The following SYNE2 variants were observed in gnomAD, a reference collection of about 807,000 sequenced individuals.
SYNE2 encodes the protein spectrin repeat containing nuclear envelope protein 2.
In SYNE2, 431 loss-of-function variants were observed where a neutral mutation model predicts 856.3. The ratio of observed to expected loss-of-function variants is 0.50; its 90% confidence interval spans 0.47 to 0.55. SYNE2 has a LOEUF of 0.55. Among genes scored for constraint, SYNE2 ranks in the 20% least tolerant of loss-of-function variants. The pLI is 0.00. For synonymous variants in SYNE2, 2,923 were observed against 2,872.3 expected, an observed-to-expected ratio of 1.02 and a Z score of -0.56; for missense variants, 8,129 against 8,023.2, an observed-to-expected ratio of 1.01 and a Z score of -0.50.
intron 93 of SYNE2, among the ~76,000 whole-genome samples, 164 bp from the exon 94 acceptor site, chr14:64,170,064 C>G (rs888607420): frequency 1.3e-5 from 2 of 152,138 alleles, no homozygotes; most frequent in African/African-American, 4.8e-5. Context: ...CTTCCCAAAG[C>G]CTTAATCATG....
chr14:64,047,462 G>C (rs1032398551), intron 45 of SYNE2, among the ~76,000 whole-genome samples: 2 of 152,236 alleles, frequency 1.3e-5, no homozygotes, highest in Non-Finnish European at 2.9e-5. Context: ...TCTCAGTCCG[G>C]TCCTAGGAAT....
intron 46 of SYNE2, 157 bp downstream of exon 46, chr14:64,048,312 T>C: frequency 1.7e-6 from 1 of 605,264 alleles, no homozygotes; most frequent in South Asian, 2.4e-5. Context: ...ATGTACTAAG[T>C]AAGTTGTATA....
intron 1 of SYNE2, among the ~76,000 whole-genome samples, chr14:63,818,592 C>T (rs1057486556): frequency 9.9e-5 from 15 of 151,762 alleles, no homozygotes; most frequent in Non-Finnish European, 2.1e-4. Context: ...TGATATAAAG[C>T]ATCTACATAA....
chr14:63,899,204 T>G (rs2095302137), intron 1 of SYNE2, among the ~76,000 whole-genome samples: 1 of 151,474 alleles, frequency 6.6e-6, no homozygotes, highest in Non-Finnish European at 1.5e-5. Context: ...TTTTCATCCT[T>G]AAGTTTTTTT....
chr14:64,055,923 A>G, intron 48 of SYNE2, 21 bp from the exon 49 acceptor site: 1 of 1,604,288 alleles, frequency 6.2e-7, no homozygotes, highest in South Asian at 1.1e-5. Flanking sequence ...TTGTCACAGC[A>G]TTTAATCTCC....
At chr14:63,948,091 T>C (rs1490333866) in intron 6 of SYNE2, among the ~76,000 whole-genome samples, 1 of 152,100 alleles carries the variant, frequency 6.6e-6, no homozygotes, top group East Asian at 1.9e-4. Flanking sequence ...TTTTGCATTT[T>C]TATATAAATT....
At chr14:64,049,900 G>A in intron 47 of SYNE2, 24 bp downstream of exon 47, 2 of 1,612,254 alleles carry the variant, frequency 1.2e-6, no homozygotes, top group Non-Finnish European at 1.7e-6. Context: ...TTTAGGACTT[G>A]CATTCTTTTT....
chr14:64,223,318 A>T lies in SYNE2; in HGVS notation c.20320A>T (p.Lys6774Ter). The T allele has an allele frequency of 6.2e-7, 1 of 1,614,226 alleles. No homozygotes were observed. Among genetic ancestry groups the T allele is most frequent in the Non-Finnish European group, 8.5e-7 (1 of 1,180,038 alleles). ...EAEEKVHVIEKKLKQLREQVS... is the reference protein window; with the variant it reads ...EAEEKVHVIE ...TGAAGAAAAGGTGCATGTTATTGAG[A>T]AGAAACTCAAACAGTTACGGGAGCA... Residue 6774 changes from lysine to a stop codon, truncating the protein, a stop_gained, in exon 113 of 116, where the codon AAG becomes TAG. Transcript: ENST00000555002. LOFTEE classifies it high-confidence loss of function.
rs538674046 is a variant in SYNE2 at position 64,184,136 on chromosome 14, A to G, written c.17557-2288A>G. 1.4e-3 allele frequency among the ~76,000 whole-genome samples: 218 copies of G among 152,148 alleles called. 2 individuals carry two copies. Among genetic ancestry groups the G allele is most frequent in the Admixed American group, 3.1e-3 (47 of 15,288 alleles). On this transcript the variant is annotated intron_variant, in intron 96 of 115. Coordinates refer to ENST00000555002, the MANE Select transcript of SYNE2 (RefSeq NM_182914.3). ...TGCTTTTTTCATTTAGTCTTTATGA[A>G]CATTTTAAAGCTCTCGAGACATACA...
At chr14:64,090,447 G>C (rs772978589) in intron 59 of SYNE2, among the ~76,000 whole-genome samples, 2 of 152,156 alleles carry the variant, frequency 1.3e-5, no homozygotes, top group Admixed American at 6.5e-5. Context: ...GACTCATGCA[G>C]CACAGTTCTG....
At chr14:63,990,635 A>G (rs879089753) in intron 20 of SYNE2, 66 bp downstream of exon 20, 26 of 1,407,708 alleles carry the variant, frequency 1.8e-5, no homozygotes, top group Non-Finnish European at 2.4e-5. Flanking sequence ...CTGAGTGGGC[A>G]GTGAAGGGGG....
At chr14:63,818,429 G>A (rs1296924111) in intron 1 of SYNE2, among the ~76,000 whole-genome samples, 1 of 151,522 alleles carries the variant, frequency 6.6e-6, no homozygotes, top group Non-Finnish European at 1.5e-5. Flanking sequence ...GAGGTGGGAG[G>A]ATCCTTTGAG....
intron 1 of SYNE2, among the ~76,000 whole-genome samples, chr14:63,824,350 A>G (rs895479011): frequency 3.9e-5 from 6 of 152,152 alleles, no homozygotes; most frequent in Non-Finnish European, 8.8e-5. Flanking sequence ...TAAAAAATGC[A>G]TAACTAGGCC....
intron 12 of SYNE2, among the ~76,000 whole-genome samples, chr14:63,977,489 G>A (rs187937927): frequency 3.9e-5 from 6 of 152,320 alleles, no homozygotes; most frequent in Non-Finnish European, 7.4e-5. Context: ...TGGGATTACA[G>A]GCGTGAGCCA....
chr14:63,948,148 C>T (rs112543347), intron 6 of SYNE2, among the ~76,000 whole-genome samples: 1 of 107,162 alleles, frequency 9.3e-6, no homozygotes, highest in South Asian at 4.0e-4. Context: ...CGCGCACATA[C>T]ACACACAGAC....
At chr14:63,852,901 T>C (rs972206626), upstream of SYNE2, 11 of 151,440 alleles carry the variant, frequency 7.3e-5, no homozygotes, top group Admixed American at 2.0e-4. Flanking sequence ...CGCTCTACAC[T>C]GGCCGCCGAG....
chr14:64,024,030 T>A, intron 38 of SYNE2: 1 of 479,940 alleles, frequency 2.1e-6, no homozygotes. Context: ...CTCCTGCTGA[T>A]CTTCCTGGTG....
chr14:63,975,992 C>G (rs2096539662), intron 11 of SYNE2, among the ~76,000 whole-genome samples: 1 of 152,150 alleles, frequency 6.6e-6, no homozygotes, highest in South Asian at 2.1e-4. Context: ...AGCAAGCAGT[C>G]AGAGTGTGTT....
At chr14:63,792,512 GC>G (rs1887770014) in intron 1 of SYNE2, among the ~76,000 whole-genome samples, 1 of 152,110 alleles carries the variant, frequency 6.6e-6, no homozygotes, top group Admixed American at 6.6e-5. Context: ...TGAAGATTGT[GC>G]CACTGCACTT....
Sources: allele counts gnomAD v4.1 joint callset (sites outside exome capture counted in the v4.1 genomes callset), GRCh38; gene constraint gnomAD v4.1.1; transcripts MANE v1.5; gene names NCBI Gene and HGNC (gene_info 2026-07-23, HGNC 2026-07-21).